The following PCNX2 variants were observed in gnomAD, a reference collection of about 807,000 sequenced individuals.
PCNX2 encodes the protein pecanex 2, also known as pecanex-like protein 2.
In PCNX2, 168 loss-of-function variants were observed where a neutral mutation model predicts 223.8. The ratio of observed to expected loss-of-function variants is 0.75; its 90% confidence interval spans 0.66 to 0.85. The LOEUF is 0.85. Among genes scored for constraint, PCNX2 ranks in the 40% least tolerant of loss-of-function variants. The probability of loss-of-function intolerance (pLI) is 0.00; values close to 1 mark genes in which losing one functional copy is unlikely to be tolerated. For missense variants in PCNX2, 2,507 were observed against 2,675.5 expected (o/e 0.94, Z 1.39); for synonymous variants, 1,006 against 1,052.6 (o/e 0.96, Z 0.86).
At position 233,108,643 on chromosome 1, in the gene PCNX2, A is replaced by G. The variant is rs1342587523; in HGVS notation, c.3838-12780T>C. Among the ~76,000 whole-genome samples, 16 of 152,360 alleles carry G rather than the reference A, an allele frequency of 1.1e-4. No individual in the cohort carries two copies. The East Asian group carries it at 1.2e-3, about 11-fold the overall frequency. On this transcript the variant is annotated intron_variant, in intron 21 of 33. Transcript: ENST00000258229. ...GCCGGGCCCTTCTGCCAACTCTCCAATGGAACAAAAATTGTAATCTGTGGA... is the reference window on the plus strand; with the variant it reads ...GCCGGGCCCTTCTGCCAACTCTCCAGTGGAACAAAAATTGTAATCTGTGGA...
At chr1:233,320,351 G>A in the PCNX2 span, among the ~76,000 whole-genome samples, 1 of 136,492 alleles carries the variant, frequency 7.3e-6, no homozygotes, top group South Asian at 2.2e-4. Flanking sequence ...ACATACATTC[G>A]TGTGTGTGTG....
At chr1:233,243,741 C>T (rs535905308) in intron 8 of PCNX2, among the ~76,000 whole-genome samples, 1 of 152,286 alleles carries the variant, frequency 6.6e-6, no homozygotes, top group South Asian at 2.1e-4. Flanking sequence ...TGCTTCTATC[C>T]AAAGACAGTA....
chr1:233,116,439 A>G (rs1675412994), intron 21 of PCNX2, among the ~76,000 whole-genome samples: 1 of 152,142 alleles, frequency 6.6e-6, no homozygotes, highest in Non-Finnish European at 1.5e-5. Context: ...ATGAAAAGAA[A>G]TGAAATCATA....
Position 233,088,881 on chromosome 1 carries a change from G to A in PCNX2, c.4076+1180C>T, listed in dbSNP as rs112751473. On this transcript the variant is annotated intron_variant, in intron 23 of 33. Transcript: ENST00000258229. ...TACTTTGTGGCAGCCCCTGCTCTCC[G>A]TGTTTTATGTATGTTAATTCATTTT... is the stretch of plus-strand genomic sequence containing the variant. 3.9e-3 allele frequency among the ~76,000 whole-genome samples: 593 copies of A among 152,274 alleles called. 5 individuals carry two copies. The highest frequency in any genetic ancestry group is 0.014 in the African/African-American group (575 of 41,558).
chr1:233,013,872 A>G (rs992056198), intron 28 of PCNX2, among the ~76,000 whole-genome samples: 8 of 152,328 alleles, frequency 5.3e-5, no homozygotes, highest in Middle Eastern at 3.4e-3. Context: ...AAAGCCTGAC[A>G]GGAGGTTTTA....
At chr1:233,307,955 T>C in the PCNX2 span, among the ~76,000 whole-genome samples, 1,622 of 152,248 alleles carry the variant, frequency 0.011, 29 homozygotes, top group African/African-American at 0.036. Context: ...AACATTCACG[T>C]GAGTCTTCTT....
chr1:233,158,525 T>C (rs1341638298), intron 19 of PCNX2, among the ~76,000 whole-genome samples: 1 of 152,128 alleles, frequency 6.6e-6, no homozygotes, highest in Admixed American at 6.6e-5. Context: ...TAGGTAAAGA[T>C]AAAGTTATAT....
chr1:233,172,839 T>A (rs1245924667), intron 17 of PCNX2, among the ~76,000 whole-genome samples: 1 of 152,214 alleles, frequency 6.6e-6, no homozygotes, highest in Non-Finnish European at 1.5e-5. Context: ...TAACCTGCCA[T>A]AATATCAGAA....
intron 25 of PCNX2, among the ~76,000 whole-genome samples, chr1:233,047,748 T>C (rs770527163): frequency 3.9e-5 from 6 of 152,140 alleles, no homozygotes; most frequent in Non-Finnish European, 8.8e-5. Flanking sequence ...AGCCACACAA[T>C]ACACAATTAT....
At chr1:233,024,276 A>G (rs1176299661) in intron 26 of PCNX2, among the ~76,000 whole-genome samples, 76 of 152,190 alleles carry the variant, frequency 5.0e-4, no homozygotes. Flanking sequence ...GTGCCAAGTT[A>G]TCTTTTCATT....
At chr1:233,069,412 T>C (rs1672753488) in intron 23 of PCNX2, among the ~76,000 whole-genome samples, 1 of 152,164 alleles carries the variant, frequency 6.6e-6, no homozygotes, top group African/African-American at 2.4e-5. Flanking sequence ...CTACACATTC[T>C]TTTATAGTGG....
intron 17 of PCNX2, among the ~76,000 whole-genome samples, chr1:233,171,366 C>G (rs1679143723): frequency 2.0e-5 from 3 of 151,654 alleles, no homozygotes; most frequent in African/African-American, 2.4e-5. Flanking sequence ...TGAAAAATAT[C>G]TTCAGAATTA....
intron 19 of PCNX2, among the ~76,000 whole-genome samples, chr1:233,152,536 T>C (rs1309216894): frequency 1.3e-5 from 2 of 152,236 alleles, no homozygotes; most frequent in African/African-American, 2.4e-5. Context: ...GTGCCTCTCA[T>C]GCCATGTTAC....
Position 233,275,235 on chromosome 1 carries a change from G to A in PCNX2, c.154-12072C>T, listed in dbSNP as rs564278503. 3.0e-4 allele frequency among the ~76,000 whole-genome samples: 45 copies of A among 152,208 alleles called. 1 individual carries two copies. Among genetic ancestry groups the A allele is most frequent in the African/African-American group, 1.0e-3 (43 of 41,532 alleles). On this transcript the variant is annotated intron_variant, in intron 1 of 33. Coordinates refer to ENST00000258229, the MANE Select transcript of PCNX2 (RefSeq NM_014801.4). ...AATACTGTCTCTTTGATGGAGTCTC[G>A]ATCTGTCACCCAGGCTGGAGTGCGT...
At chr1:233,105,632 A>T (rs1674724113) in intron 21 of PCNX2, among the ~76,000 whole-genome samples, 1 of 152,190 alleles carries the variant, frequency 6.6e-6, no homozygotes, top group African/African-American at 2.4e-5. Context: ...AAAAAGAAAA[A>T]CAGAAACAAT....
chr1:233,085,635 G>A (rs1032775526), intron 23 of PCNX2, among the ~76,000 whole-genome samples: 2 of 152,124 alleles, frequency 1.3e-5, no homozygotes, highest in Non-Finnish European at 2.9e-5. Context: ...GGAGAGAATC[G>A]ATGCTGCAGA....
rs541673282 is a variant in PCNX2 at position 233,184,365 on chromosome 1, C to T, written c.3067-5190G>A. Reference sequence around the variant, plus strand: ...TTCCTATTCTGTAAAAAGGGGATGACGACACCTTTCTTAATGAGATTTAAA... The same window carrying T: ...TTCCTATTCTGTAAAAAGGGGATGATGACACCTTTCTTAATGAGATTTAAA... On this transcript the variant is annotated intron_variant, in intron 15 of 33. Transcript: ENST00000258229. Among the ~76,000 whole-genome samples, 62 of 151,432 alleles carry T rather than the reference C, an allele frequency of 4.1e-4. 1 individual carries two copies. The Middle Eastern group carries it at 0.01, about 25-fold the overall frequency.
chr1:233,220,373 AGTAGCTGTAC>A (rs2102933739), intron 10 of PCNX2, among the ~76,000 whole-genome samples: 1 of 152,322 alleles, frequency 6.6e-6, no homozygotes, highest in Non-Finnish European at 1.5e-5. Context: ...TGTCTTCTAA[AGTAGCTGTAC>A]CATTTTGCAT....
chr1:233,179,255 C>T, intron 15 of PCNX2, 80 bp from the exon 16 acceptor site: 1 of 1,410,656 alleles, frequency 7.1e-7, no homozygotes, highest in Non-Finnish European at 9.9e-7. Flanking sequence ...TTAGAAATAT[C>T]CCCAAGGTCC....
Sources: allele counts gnomAD v4.1 joint callset (sites outside exome capture counted in the v4.1 genomes callset), GRCh38; gene constraint gnomAD v4.1.1; transcripts MANE v1.5; gene names NCBI Gene and HGNC (gene_info 2026-07-23, HGNC 2026-07-21).